PRKCA: variants seen among roughly 807,000 people sequenced by gnomAD.
The protein encoded by PRKCA is protein kinase C alpha type.
PRKCA carries 27 observed loss-of-function variants against 87.0 expected under a neutral mutation model. The ratio of observed to expected loss-of-function variants is 0.31; its 90% CI spans 0.23 to 0.43. The LOEUF is 0.43. PRKCA is among the 20% of genes least tolerant of loss of function. PRKCA has a pLI of 1.00. For missense variants in PRKCA, 518 were observed against 852.3 expected, an observed-to-expected ratio of 0.61 and a Z score of 4.88; for synonymous variants, 329 against 311.1, an observed-to-expected ratio of 1.06 and a Z score of -0.61.
chr17:66,721,976 A>T (rs1397032807), intron 8 of PRKCA, among the ~76,000 whole-genome samples: 1 of 152,084 alleles, frequency 6.6e-6, no homozygotes, highest in African/African-American at 2.4e-5. Context: ...GCTGCCCAGG[A>T]GTTCTATGAT....
At chr17:66,454,430 C>T (rs939923482) in intron 2 of PRKCA, among the ~76,000 whole-genome samples, 1 of 152,120 alleles carries the variant, frequency 6.6e-6, no homozygotes, top group Non-Finnish European at 1.5e-5. Flanking sequence ...TAGTAGAAAA[C>T]CCAGATTTGG....
intron 2 of PRKCA, among the ~76,000 whole-genome samples, chr17:66,471,786 A>T (rs1179725091): frequency 6.6e-6 from 1 of 151,962 alleles, no homozygotes; most frequent in African/African-American, 2.4e-5. Context: ...CCTTCATCCC[A>T]TGCCTGCCTG....
intron 3 of PRKCA, among the ~76,000 whole-genome samples, chr17:66,581,112 T>C (rs1201412724): frequency 6.6e-6 from 1 of 152,252 alleles, no homozygotes; most frequent in African/African-American, 2.4e-5. Context: ...TAAATTGTTT[T>C]ATGAGTGCAT....
intron 2 of PRKCA, among the ~76,000 whole-genome samples, chr17:66,337,321 C>A (rs1276094608): frequency 6.6e-6 from 1 of 152,124 alleles, no homozygotes; most frequent in African/African-American, 2.4e-5. Context: ...CAGTCCTCAA[C>A]ATGTAAAGAT....
chr17:66,632,459 A>C (rs956064863), intron 3 of PRKCA, among the ~76,000 whole-genome samples: 14 of 152,270 alleles, frequency 9.2e-5, no homozygotes, highest in East Asian at 7.7e-4. Context: ...GGCTTACTGC[A>C]AACTTGACCT....
Position 66,804,255 on chromosome 17 carries a change from A to G in PRKCA, c.*218A>G, listed in dbSNP as rs1975973811. The G allele has an allele frequency of 3.5e-6, 2 of 573,882 alleles. No homozygotes were observed. The highest frequency in any genetic ancestry group is 3.6e-5 in the South Asian group (1 of 28,050). The allele number at this position is 573,882 out of a possible 1,614,324, so 35.5% of individuals were successfully genotyped here. On this transcript the variant is annotated 3_prime_UTR_variant, in exon 17 of 17. Transcript: ENST00000413366. The stretch of plus-strand genomic sequence containing the variant: ...TAGTGGAAGATGGTACGTCATGCTC[A>G]GTGTCCAGTTTAATTCTGTAGAAGT...
At chr17:66,487,082 A>G (rs1485559845) in intron 2 of PRKCA, among the ~76,000 whole-genome samples, 2 of 152,200 alleles carry the variant, frequency 1.3e-5, no homozygotes, top group African/African-American at 2.4e-5. Flanking sequence ...AATATACAGT[A>G]AGTTATTAAC....
intron 2 of PRKCA, among the ~76,000 whole-genome samples, chr17:66,461,331 A>AC (rs576012010): frequency 3.9e-5 from 6 of 152,174 alleles, no homozygotes; most frequent in Non-Finnish European, 8.8e-5. Context: ...TGTTCTTCTA[A>AC]CCAGACTTCT....
At chr17:66,503,011 G>A (rs1348046016) in intron 3 of PRKCA, among the ~76,000 whole-genome samples, 3 of 152,150 alleles carry the variant, frequency 2.0e-5, no homozygotes, top group African/African-American at 7.2e-5. Context: ...GTTTTTATGT[G>A]TCATCCATAA....
chr17:66,313,478 GT>G (rs1317993059), intron 2 of PRKCA, among the ~76,000 whole-genome samples: 4 of 152,148 alleles, frequency 2.6e-5, no homozygotes, highest in African/African-American at 9.7e-5. Flanking sequence ...CACTTAATGT[GT>G]CTTCTTTCTA....
Position 66,454,422 on chromosome 17 carries a change from G to A in PRKCA, c.206-41779G>A, listed in dbSNP as rs547055736. 2.0e-5 allele frequency among the ~76,000 whole-genome samples: 3 copies of A among 152,306 alleles called. No individual in the cohort carries two copies. In the East Asian group the frequency reaches 5.8e-4, roughly 29 times the overall value. ...TGATAAAACATTCTTTTCTTTTTTA[G>A]TAGAAAACCCAGATTTGGGTGTTTA... is the stretch of plus-strand genomic sequence containing the variant. On this transcript the variant is annotated intron_variant, in intron 2 of 16. Coordinates refer to ENST00000413366, the MANE Select transcript of PRKCA (RefSeq NM_002737.3).
intron 2 of PRKCA, among the ~76,000 whole-genome samples, chr17:66,459,592 G>A (rs1914748359): frequency 6.6e-6 from 1 of 152,178 alleles, no homozygotes; most frequent in Non-Finnish European, 1.5e-5. Context: ...AGATAAATGA[G>A]ATTCCGCTTG....
chr17:66,493,760 A>G (rs73336524), intron 2 of PRKCA, among the ~76,000 whole-genome samples: 3,215 of 152,272 alleles, frequency 0.021, 103 homozygotes, highest in African/African-American at 0.071. Flanking sequence ...GGCACGTGAT[A>G]AGATGCTCAG....
At chr17:66,628,175 C>T (rs184101293) in intron 3 of PRKCA, among the ~76,000 whole-genome samples, 135 of 152,152 alleles carry the variant, frequency 8.9e-4, no homozygotes, top group Non-Finnish European at 1.7e-3. Flanking sequence ...CTCTGCCTCT[C>T]GGTGGATAGC....
intron 3 of PRKCA, among the ~76,000 whole-genome samples, chr17:66,633,025 C>G (rs552911283): frequency 7.9e-5 from 12 of 152,078 alleles, no homozygotes; most frequent in Non-Finnish European, 1.8e-4. Flanking sequence ...TGAGCATCAC[C>G]AAAAACGGAA....
At chr17:66,747,528 A>G (rs553970058) in intron 13 of PRKCA, among the ~76,000 whole-genome samples, 41 of 152,308 alleles carry the variant, frequency 2.7e-4, no homozygotes, top group African/African-American at 8.9e-4. Context: ...ACATGTTAGT[A>G]TGAGTAGAAG....
At chr17:66,531,842 A>G (rs1424701363) in intron 3 of PRKCA, among the ~76,000 whole-genome samples, 1 of 152,140 alleles carries the variant, frequency 6.6e-6, no homozygotes, top group Non-Finnish European at 1.5e-5. Context: ...TGAAGAGTAG[A>G]CTTTCTTCTC....
chr17:66,534,645 T>C (rs1028763274), intron 3 of PRKCA, among the ~76,000 whole-genome samples: 2 of 152,160 alleles, frequency 1.3e-5, no homozygotes, highest in African/African-American at 4.8e-5. Flanking sequence ...CCAGCCTGGG[T>C]GACAGAGCAA....
At chr17:66,774,319 C>T (rs1184828145) in intron 14 of PRKCA, 73 of 1,324,096 alleles carry the variant, frequency 5.5e-5, no homozygotes, top group Non-Finnish European at 6.6e-5. Flanking sequence ...GTCAGTTTCA[C>T]GTTATGAAAT....
Sources: gnomAD v4.1 joint callset for allele counts (sites outside exome capture counted in the v4.1 genomes callset) on GRCh38, gnomAD v4.1.1 for gene constraint, MANE v1.5 for transcripts, NCBI Gene and HGNC (gene_info 2026-07-23, HGNC 2026-07-21) for gene names.